The following AKR1B1 variants were observed in gnomAD, a reference collection of about 807,000 sequenced individuals.
The protein encoded by AKR1B1 is aldo-keto reductase family 1 member B.
In AKR1B1, 22 loss-of-function variants were observed where a neutral mutation model predicts 40.4. The observed-to-expected ratio is 0.54, with a 90% confidence interval of 0.39 to 0.78. The LOEUF (loss-of-function observed/expected upper bound fraction) is 0.78. AKR1B1 is among the 30% of genes least tolerant of loss of function. The pLI is 0.00. For missense variants in AKR1B1, 357 were observed against 396.7 expected (o/e 0.90, Z 0.85); for synonymous variants, 157 against 149.9 (o/e 1.05, Z -0.35).
intron 7 of AKR1B1, chr7:134,447,660 C>T: frequency 3.3e-6 from 2 of 614,606 alleles, no homozygotes; most frequent in Non-Finnish European, 5.8e-6. Flanking sequence ...GAAATGCACA[C>T]TACCACTCAG....
intron 4 of AKR1B1, chr7:134,449,357 C>T (rs775048592): frequency 4.1e-4 from 247 of 595,622 alleles, no homozygotes; most frequent in Admixed American, 2.2e-4. Context: ...GAGGCTGAGG[C>T]GGGCGGATCA....
At chr7:134,451,283 T>C (rs1806279771) in intron 2 of AKR1B1, 1 of 534,926 alleles carries the variant, frequency 1.9e-6, no homozygotes, top group Non-Finnish European at 3.4e-6. Flanking sequence ...GAGATTCAGT[T>C]TGCAGATGGG....
At chr7:134,456,961 C>A (rs1047141243) in intron 1 of AKR1B1, among the ~76,000 whole-genome samples, 1 of 152,066 alleles carries the variant, frequency 6.6e-6, no homozygotes, top group Non-Finnish European at 1.5e-5. Flanking sequence ...CATAGGGAAA[C>A]CTGTCTCTAC....
chr7:134,449,955 A>G (rs533095290), intron 3 of AKR1B1, among the ~76,000 whole-genome samples, 158 bp from the exon 4 acceptor site: 2 of 152,216 alleles, frequency 1.3e-5, no homozygotes, highest in African/African-American at 4.8e-5. Flanking sequence ...GATAGCCAAC[A>G]CTTCTTTATC....
chr7:134,456,648 C>T (rs932265945), intron 1 of AKR1B1, among the ~76,000 whole-genome samples: 2 of 152,134 alleles, frequency 1.3e-5, no homozygotes, highest in Admixed American at 6.6e-5. Context: ...TACAAGTGGG[C>T]GTTTTCACCA....
chr7:134,453,592 GCA>G (rs746522564), intron 1 of AKR1B1, among the ~76,000 whole-genome samples: 15 of 152,052 alleles, frequency 9.9e-5, no homozygotes, highest in African/African-American at 3.4e-4. Context: ...AACCAAAAGA[GCA>G]CAGACTAGGA....
At chr7:134,451,427 G>T in intron 2 of AKR1B1, 159 bp downstream of exon 2, 1 of 870,976 alleles carries the variant, frequency 1.1e-6, no homozygotes, top group Non-Finnish European at 1.9e-6. Context: ...GGATGGGCGA[G>T]CTCTGGAGCC....
At chr7:134,449,616 G>T in intron 4 of AKR1B1, 104 bp downstream of exon 4, 1 of 980,556 alleles carries the variant, frequency 1.0e-6, no homozygotes, top group Non-Finnish European at 1.6e-6. Flanking sequence ...GCAAACAACA[G>T]GGACAGAATA....
intron 6 of AKR1B1, 51 bp from the exon 7 acceptor site, chr7:134,448,112 G>A (rs759360324): frequency 2.7e-6 from 4 of 1,478,808 alleles, no homozygotes; most frequent in Non-Finnish European, 1.9e-6. Flanking sequence ...ACCACTCACA[G>A]CAGCCAGAAA....
intron 1 of AKR1B1, 149 bp from the exon 2 acceptor site, chr7:134,451,902 C>T: frequency 1.2e-6 from 1 of 821,440 alleles, no homozygotes; most frequent in Non-Finnish European, 2.0e-6. Context: ...GCATTCTGGA[C>T]TATCAGCCTC....
intron 2 of AKR1B1, 164 bp downstream of exon 2, chr7:134,451,422 G>A (rs1206002705): frequency 1.2e-6 from 1 of 822,146 alleles, no homozygotes; most frequent in African/African-American, 1.7e-5. Context: ...GCCAAGGATG[G>A]GCGAGCTCTG....
intron 4 of AKR1B1, 110 bp from the exon 5 acceptor site, chr7:134,449,229 G>A (rs1277930729): frequency 2.1e-6 from 3 of 1,447,708 alleles, no homozygotes; most frequent in Non-Finnish European, 2.9e-6. Context: ...CAGTGCCAGT[G>A]AATTAGACCT....
At position 134,447,279 on chromosome 7, in the gene AKR1B1, T is replaced by C. The variant is rs756064432; in HGVS notation, c.825+19A>G. 2.5e-6 allele frequency: 4 copies of C among 1,611,382 alleles called. No homozygotes were observed. In the Admixed American group the frequency reaches 6.7e-5, roughly 27 times the overall value. ...CCACTCCATGGAGGAGGGCCAGGCC[T>C]GACCAGCCAAGATCTTACCTTAAAG... On this transcript the variant is annotated intron_variant, in intron 8 of 9. Transcript: ENST00000285930.
Position 134,453,438 on chromosome 7 carries a change from C to T in AKR1B1, c.67-1685G>A, listed in dbSNP as rs1324802729. 2.0e-5 allele frequency among the ~76,000 whole-genome samples: 3 copies of T among 152,110 alleles called. No individual in the cohort carries two copies. In the South Asian group the frequency reaches 6.2e-4, roughly 32 times the overall value. On this transcript the variant is annotated intron_variant, in intron 1 of 9. Transcript: ENST00000285930. ...GCTGCTGCAGGAAAGTGGAGGGAGG[C>T]CAAATCCTGGTGACAACATTTACAA...
intron 8 of AKR1B1, 86 bp from the exon 9 acceptor site, chr7:134,445,406 G>T: frequency 2.7e-6 from 3 of 1,109,022 alleles, no homozygotes; most frequent in Non-Finnish European, 4.0e-6. Flanking sequence ...GTCTTCCATG[G>T]CTTTGAGCAG....
intron 1 of AKR1B1, among the ~76,000 whole-genome samples, chr7:134,456,446 G>A (rs111993484): frequency 4.7e-4 from 71 of 151,802 alleles, no homozygotes; most frequent in African/African-American, 1.5e-3. Context: ...TGATCTGCCC[G>A]CCTCTGCCTC....
intron 4 of AKR1B1, 59 bp from the exon 5 acceptor site, chr7:134,449,178 G>A: frequency 1.9e-6 from 3 of 1,608,570 alleles, no homozygotes; most frequent in Admixed American, 3.3e-5. Flanking sequence ...AGGATCAGAA[G>A]TGTCGTTTGC....
chr7:134,453,253 G>A (rs948348208), intron 1 of AKR1B1, among the ~76,000 whole-genome samples: 1 of 152,198 alleles, frequency 6.6e-6, no homozygotes, highest in Non-Finnish European at 1.5e-5. Context: ...ACACTCCGCA[G>A]GCTCAGCCTA....
chr7:134,449,009 A>G lies in AKR1B1; in HGVS notation c.540T>C (p.Pro180=). Residue 180 remains proline, a synonymous_variant, in exon 5 of 10, where the codon CCT becomes CCC. Coordinates refer to ENST00000285930, the MANE Select transcript of AKR1B1 (RefSeq NM_001628.4). ...GGGGGATGTTTACCTGGTTAACTGCAGGCTTATACTTCAAGCCAGGTTTGT... is the reference window on the plus strand; with the variant it reads ...GGGGGATGTTTACCTGGTTAACTGCGGGCTTATACTTCAAGCCAGGTTTGT... The part of the protein sequence containing the change: ...ILNKPGLKYK[P]AVNQIECHPY... 1 of 1,614,124 alleles carries G rather than the reference A, an allele frequency of 6.2e-7. No individual in the cohort carries two copies. Among genetic ancestry groups the G allele is most frequent in the Non-Finnish European group, 8.5e-7 (1 of 1,180,012 alleles).
Sources: allele counts gnomAD v4.1 joint callset (sites outside exome capture counted in the v4.1 genomes callset), GRCh38; gene constraint gnomAD v4.1.1; transcripts MANE v1.5; gene names NCBI Gene and HGNC (gene_info 2026-07-23, HGNC 2026-07-21).